Variants in GADL1 observed in about 807,000 individuals in gnomAD.
GADL1 encodes GAD like acidic amino acid decarboxylase 1, also known as acidic amino acid decarboxylase GADL1.
Under a neutral mutation model 69.5 loss-of-function variants are expected in GADL1, and 71 were observed. That is an observed-to-expected ratio of 1.02 (90% CI 0.84 to 1.25). GADL1 has a LOEUF of 1.25. Among genes scored for constraint, GADL1 ranks in the 50% most tolerant of loss-of-function variants. The pLI, the probability that GADL1 is intolerant of heterozygous loss-of-function variation, is 0.00. For synonymous variants in GADL1, 254 were observed against 214.4 expected (o/e 1.18, Z -1.62); for missense variants, 737 against 631.8 (o/e 1.17, Z -1.79).
chr3:30,838,471 T>C (rs762321917), intron 9 of GADL1, among the ~76,000 whole-genome samples: 18 of 152,140 alleles, frequency 1.2e-4, no homozygotes, highest in Non-Finnish European at 1.9e-4. Flanking sequence ...AACTATCTGA[T>C]AGATCCAGAG....
intron 14 of GADL1, among the ~76,000 whole-genome samples, chr3:30,777,261 A>G (rs2125495512): frequency 6.6e-6 from 1 of 152,122 alleles, no homozygotes; most frequent in South Asian, 2.1e-4. Context: ...TAAAAAAAAA[A>G]CGTTTTCCCC....
intron 11 of GADL1, among the ~76,000 whole-genome samples, chr3:30,832,843 A>G (rs1697814651): frequency 6.6e-6 from 1 of 152,078 alleles, no homozygotes; most frequent in Non-Finnish European, 1.5e-5. Flanking sequence ...CTAATAAAAC[A>G]TTAAGGAACT....
intron 10 of GADL1, 132 bp downstream of exon 10, chr3:30,834,085 G>T: frequency 1.0e-6 from 1 of 967,624 alleles, no homozygotes; most frequent in South Asian, 1.5e-5. Flanking sequence ...AAGGAATTTG[G>T]AGGGATTTTT....
intron 1 of GADL1, among the ~76,000 whole-genome samples, chr3:30,882,456 C>T (rs1324500825): frequency 6.6e-6 from 1 of 151,940 alleles, no homozygotes; most frequent in Non-Finnish European, 1.5e-5. Flanking sequence ...TGACTGACTT[C>T]ACTCTGCATA....
intron 11 of GADL1, among the ~76,000 whole-genome samples, chr3:30,814,981 A>T (rs200766276): frequency 0.066 from 9,811 of 148,566 alleles, 744 homozygotes; most frequent in African/African-American, 0.18. Context: ...AAAAAAAAAA[A>T]ATTTTTTTCA....
intron 11 of GADL1, among the ~76,000 whole-genome samples, chr3:30,816,936 G>T (rs1337022203): frequency 6.6e-6 from 1 of 152,062 alleles, no homozygotes; most frequent in Non-Finnish European, 1.5e-5. Flanking sequence ...ACCTATTCCT[G>T]TCCCATATCC....
At chr3:30,801,271 T>TG (rs1255406538) in intron 11 of GADL1, among the ~76,000 whole-genome samples, 183 bp from the exon 12 acceptor site, 3 of 152,280 alleles carry the variant, frequency 2.0e-5, no homozygotes, top group South Asian at 2.1e-4. Flanking sequence ...ACCCATGGTG[T>TG]TACCAAACAA....
At chr3:30,890,434 A>T (rs1299649279) in intron 1 of GADL1, among the ~76,000 whole-genome samples, 2 of 152,214 alleles carry the variant, frequency 1.3e-5, no homozygotes, top group African/African-American at 4.8e-5. Context: ...TGATATGGGC[A>T]ATACAGCCTT....
intron 12 of GADL1, among the ~76,000 whole-genome samples, chr3:30,788,793 A>T (rs1227518094): frequency 1.3e-5 from 2 of 152,156 alleles, no homozygotes; most frequent in Non-Finnish European, 2.9e-5. Context: ...TCATGAAACC[A>T]CTTTCTTTGC....
chr3:30,839,004 T>A lies in GADL1; in HGVS notation c.896A>T (p.His299Leu). 2 of 1,581,916 alleles carry A rather than the reference T, an allele frequency of 1.3e-6. No homozygotes were observed. Among genetic ancestry groups the A allele is most frequent in the Non-Finnish European group, 1.7e-6 (2 of 1,159,072 alleles). Residue 299 changes from histidine to leucine, a missense_variant, in exon 9 of 15, where the codon CAT becomes CTT. By Grantham distance (99) the His-to-Leu change is moderately conservative. Coordinates refer to ENST00000282538, the MANE Select transcript of GADL1 (RefSeq NM_207359.3). ...ACACATAAATGAACTTACATCTACA[T>A]GAAGCCAGAGGCTGTGCCTCTCGCA... ...DICERHSLWL[H>L]VDASWGGSAL...
chr3:30,803,655 G>A (rs1490992399), intron 11 of GADL1, among the ~76,000 whole-genome samples: 2 of 152,156 alleles, frequency 1.3e-5, no homozygotes, highest in African/African-American at 2.4e-5. Context: ...TAATTTTATG[G>A]CACTAAAAAA....
chr3:30,750,876 A>G (rs1257515508), intron 14 of GADL1, among the ~76,000 whole-genome samples: 6 of 152,142 alleles, frequency 3.9e-5, no homozygotes, highest in Non-Finnish European at 5.9e-5. Context: ...GGTGGATCCT[A>G]TAATAAAGCA....
intron 8 of GADL1, 104 bp downstream of exon 8, chr3:30,844,106 T>C: frequency 2.5e-6 from 2 of 806,948 alleles, no homozygotes; most frequent in Non-Finnish European, 4.1e-6. Flanking sequence ...GAAATGGTTT[T>C]GGCTGTTTGC....
chr3:30,874,340 G>A (rs1329276797), intron 1 of GADL1, among the ~76,000 whole-genome samples: 1 of 151,960 alleles, frequency 6.6e-6, no homozygotes, highest in Non-Finnish European at 1.5e-5. Flanking sequence ...CACTGCTACT[G>A]TAATGTTGAG....
intron 4 of GADL1, among the ~76,000 whole-genome samples, chr3:30,853,997 ATCTC>A (rs575630262): frequency 6.6e-6 from 1 of 151,220 alleles, no homozygotes; most frequent in Non-Finnish European, 1.5e-5. Flanking sequence ...TCTGGCTTCT[ATCTC>A]TCTCTCTCTT....
At chr3:30,740,946 A>G (rs1436125511) in intron 14 of GADL1, among the ~76,000 whole-genome samples, 1 of 125,798 alleles carries the variant, frequency 7.9e-6, no homozygotes, top group Non-Finnish European at 1.5e-5. Context: ...TATTTGATAT[A>G]TCAAATATAT....
At chr3:30,803,532 G>A (rs1485325962) in intron 11 of GADL1, among the ~76,000 whole-genome samples, 1 of 152,092 alleles carries the variant, frequency 6.6e-6, no homozygotes, top group African/African-American at 2.4e-5. Flanking sequence ...TTGAAAGGGA[G>A]AGGACGCTCA....
intron 12 of GADL1, among the ~76,000 whole-genome samples, chr3:30,789,964 A>G (rs570211730): frequency 6.6e-6 from 1 of 152,312 alleles, no homozygotes; most frequent in African/African-American, 2.4e-5. Flanking sequence ...TTATTCATGT[A>G]TTCACTAAAG....
intron 14 of GADL1, among the ~76,000 whole-genome samples, chr3:30,729,609 T>C (rs1223952612): frequency 6.6e-6 from 1 of 152,200 alleles, no homozygotes; most frequent in Non-Finnish European, 1.5e-5. Flanking sequence ...AGCCCAGTTT[T>C]TGAACATACC....
Sources: gnomAD v4.1 joint callset for allele counts (sites outside exome capture counted in the v4.1 genomes callset) on GRCh38, gnomAD v4.1.1 for gene constraint, MANE v1.5 for transcripts, NCBI Gene and HGNC (gene_info 2026-07-23, HGNC 2026-07-21) for gene names.